The following ERC1 variants were observed in gnomAD, a reference collection of about 807,000 sequenced individuals.
ERC1 encodes the protein RAB6 interacting protein 2.
In ERC1, 56 loss-of-function variants were observed where a neutral mutation model predicts 132.0. The ratio of observed to expected loss-of-function variants is 0.42; its 90% CI spans 0.34 to 0.53. The LOEUF (loss-of-function observed/expected upper bound fraction) is 0.53, where lower values mean the gene tolerates loss of function less well. Among genes scored for constraint, ERC1 ranks in the 20% least tolerant of loss-of-function variants. The pLI is 0.03. For missense variants in ERC1, 1,202 were observed against 1,349.9 expected (o/e 0.89, Z 1.72); for synonymous variants, 478 against 476.1 (o/e 1.00, Z -0.05).
intron 2 of ERC1, among the ~76,000 whole-genome samples, chr12:1,035,713 G>A (rs1351749627): frequency 2.6e-5 from 4 of 152,112 alleles, no homozygotes; most frequent in Non-Finnish European, 5.9e-5. Context: ...ACGAGGTCAG[G>A]AGATCGAGAC....
At chr12:1,305,852 A>T (rs912273663) in intron 15 of ERC1, among the ~76,000 whole-genome samples, 2 of 152,040 alleles carry the variant, frequency 1.3e-5, no homozygotes, top group African/African-American at 4.8e-5. Context: ...TTTTAGATAT[A>T]TATCTGTTGC....
At position 1,465,666 on chromosome 12, in the gene ERC1, C is replaced by T. The variant is rs144006861; in HGVS notation, c.3213+20916C>T. Among the ~76,000 whole-genome samples the T allele has an allele frequency of 6.3e-3, 956 of 152,346 alleles. 4 individuals are homozygous for T. The highest frequency in any genetic ancestry group is 0.022 in the African/African-American group (919 of 41,572). On this transcript the variant is annotated intron_variant, in intron 18 of 18. Transcript: ENST00000360905. Reference sequence around the variant, plus strand: ...AGACAGACATTGCTGCCATTCTCCACTTGACTCCCCTGTGCCCATGCCTGA... The same window carrying T: ...AGACAGACATTGCTGCCATTCTCCATTTGACTCCCCTGTGCCCATGCCTGA...
Position 1,444,758 on chromosome 12 carries a change from TCTCA to T in ERC1, c.3213+13_3213+16del. 6.2e-7 allele frequency: 1 copy of T among 1,611,656 alleles called. No homozygotes were observed. Among genetic ancestry groups the T allele is most frequent in the Non-Finnish European group, 8.5e-7 (1 of 1,179,294 alleles). On this transcript the variant is annotated intron_variant, in intron 18 of 18. Transcript: ENST00000360905. ...AAGATGACCCGGGGGCAGGTGAGCC[TCTCA>T]CTCAAACTTTGAAAAGAGCCTGTGA...
intron 10 of ERC1, among the ~76,000 whole-genome samples, chr12:1,182,726 A>G (rs1954619123): frequency 1.3e-5 from 2 of 151,472 alleles, no homozygotes; most frequent in South Asian, 2.1e-4. Flanking sequence ...CAGTGGCATT[A>G]TCATAGCTCA....
chr12:1,333,068 G>A (rs1401329996), intron 15 of ERC1, among the ~76,000 whole-genome samples: 2 of 147,468 alleles, frequency 1.4e-5, no homozygotes, highest in Non-Finnish European at 3.0e-5. Context: ...CCTGATCCTC[G>A]TCCTGATCCT....
intron 16 of ERC1, among the ~76,000 whole-genome samples, chr12:1,395,068 A>C (rs2090416380): frequency 6.6e-6 from 1 of 152,238 alleles, no homozygotes; most frequent in Admixed American, 6.5e-5. Context: ...TACAGCTGGG[A>C]GAAATGATCC....
At chr12:1,332,401 T>C (rs765845043) in intron 15 of ERC1, among the ~76,000 whole-genome samples, 3 of 152,262 alleles carry the variant, frequency 2.0e-5, no homozygotes, top group Admixed American at 6.5e-5. Context: ...GTTAAACTCA[T>C]GTATCTTCTC....
intron 12 of ERC1, among the ~76,000 whole-genome samples, chr12:1,220,275 C>T (rs931686781): frequency 2.0e-5 from 3 of 152,032 alleles, no homozygotes; most frequent in Admixed American, 1.3e-4. Context: ...TTTATGTTCC[C>T]GCCTCCCCCT....
At chr12:1,007,177 G>T (rs1963790646) in intron 1 of ERC1, among the ~76,000 whole-genome samples, 1 of 152,096 alleles carries the variant, frequency 6.6e-6, no homozygotes, top group South Asian at 2.1e-4. Flanking sequence ...TTAAGGAGTG[G>T]CCAAAGAGGC....
At chr12:1,399,702 C>T (rs962758553) in intron 16 of ERC1, among the ~76,000 whole-genome samples, 1 of 152,274 alleles carries the variant, frequency 6.6e-6, no homozygotes, top group Middle Eastern at 3.4e-3. Flanking sequence ...TTCATTGATA[C>T]TTGTAGCATG....
intron 8 of ERC1, among the ~76,000 whole-genome samples, chr12:1,170,230 T>C (rs573846197): frequency 6.6e-6 from 1 of 152,354 alleles, no homozygotes; most frequent in East Asian, 1.9e-4. Flanking sequence ...ATTGTAATGG[T>C]ATAATATTCT....
chr12:1,314,546 T>C (rs1349548749), intron 15 of ERC1, among the ~76,000 whole-genome samples: 2 of 152,176 alleles, frequency 1.3e-5, no homozygotes, highest in Admixed American at 6.5e-5. Flanking sequence ...GCAATTCTAC[T>C]TTGAGGAACT....
chr12:1,286,306 A>G (rs973097453), intron 14 of ERC1, among the ~76,000 whole-genome samples: 5 of 151,640 alleles, frequency 3.3e-5, no homozygotes, highest in African/African-American at 9.7e-5. Context: ...AAAAAAAAAA[A>G]AAAAAGAAAA....
chr12:1,153,742 C>T (rs1405435973), intron 8 of ERC1, among the ~76,000 whole-genome samples: 11 of 152,210 alleles, frequency 7.2e-5, no homozygotes, highest in African/African-American at 2.4e-4. Context: ...CCTGGCCGTG[C>T]GTGTGGAATG....
At chr12:1,299,719 TA>T (rs939248228) in intron 15 of ERC1, among the ~76,000 whole-genome samples, 1 of 150,942 alleles carries the variant, frequency 6.6e-6, no homozygotes, top group South Asian at 2.1e-4. Flanking sequence ...TTTAAAGAAT[TA>T]AAAAAAAATT....
intron 16 of ERC1, among the ~76,000 whole-genome samples, chr12:1,396,530 A>G (rs75751757): frequency 0.035 from 5,353 of 152,348 alleles, 120 homozygotes; most frequent in South Asian, 0.087. Context: ...AAGAAAAGAT[A>G]TGTAAACAGA....
chr12:1,440,351 C>G (rs1019952974), intron 17 of ERC1, among the ~76,000 whole-genome samples: 3 of 149,446 alleles, frequency 2.0e-5, no homozygotes, highest in Non-Finnish European at 4.4e-5. Context: ...ACTACAGACG[C>G]CCGCCACCAC....
intron 15 of ERC1, among the ~76,000 whole-genome samples, chr12:1,317,825 A>G (rs1462579071): frequency 6.6e-6 from 1 of 152,172 alleles, no homozygotes; most frequent in South Asian, 2.1e-4. Context: ...CACTCTCTAT[A>G]TACTTTCTTT....
chr12:1,415,092 A>G (rs2092049184), intron 17 of ERC1, among the ~76,000 whole-genome samples: 1 of 152,266 alleles, frequency 6.6e-6, no homozygotes, highest in Admixed American at 6.5e-5. Context: ...CTGAAATTTT[A>G]CACTGAATAT....
Sources: gnomAD v4.1 joint callset for allele counts (sites outside exome capture counted in the v4.1 genomes callset) on GRCh38, gnomAD v4.1.1 for gene constraint, MANE v1.5 for transcripts, NCBI Gene and HGNC (gene_info 2026-07-23, HGNC 2026-07-21) for gene names.